Variants in ADK observed in about 807,000 individuals in gnomAD.
ADK encodes the protein N6,N6-dimethyladenosine kinase.
ADK carries 24 observed loss-of-function variants against 44.7 expected under a neutral mutation model. The observed-to-expected ratio is 0.54, with a 90% CI of 0.39 to 0.76. The LOEUF is 0.76. ADK is among the 30% of genes least tolerant of loss of function. The pLI, the probability that ADK is intolerant of heterozygous loss-of-function variation, is 0.00. For synonymous variants in ADK, 128 were observed against 142.6 expected (o/e 0.90, Z 0.73); for missense variants, 321 against 425.1 (o/e 0.76, Z 2.15).
chr10:74,590,842 A>AT (rs565364872), intron 8 of ADK, among the ~76,000 whole-genome samples: 202 of 152,252 alleles, frequency 1.3e-3, no homozygotes, highest in African/African-American at 4.6e-3. Flanking sequence ...ATTTTCAGGA[A>AT]TTTTTTAAAG....
intron 3 of ADK, among the ~76,000 whole-genome samples, chr10:74,312,489 A>T (rs935214379): frequency 6.6e-6 from 1 of 151,322 alleles, no homozygotes; most frequent in African/African-American, 2.4e-5. Context: ...TTCATTTTTT[A>T]AAAATTGCAC....
intron 9 of ADK, among the ~76,000 whole-genome samples, chr10:74,644,111 T>C (rs1361800102): frequency 6.6e-6 from 1 of 152,250 alleles, no homozygotes; most frequent in African/African-American, 2.4e-5. Context: ...ACAGTTGGTC[T>C]GAATTACCTA....
chr10:74,647,603 GTAC>G (rs1854099331), intron 9 of ADK, among the ~76,000 whole-genome samples: 1 of 152,092 alleles, frequency 6.6e-6, no homozygotes, highest in Non-Finnish European at 1.5e-5. Context: ...ATAAATGTGT[GTAC>G]TACTAATTCT....
At chr10:74,496,706 T>G (rs2133426376) in intron 6 of ADK, among the ~76,000 whole-genome samples, 1 of 152,274 alleles carries the variant, frequency 6.6e-6, no homozygotes, top group Admixed American at 6.5e-5. Context: ...TTGGCTCAAG[T>G]GATCCTCTTG....
intron 4 of ADK, among the ~76,000 whole-genome samples, chr10:74,336,888 A>G (rs898518221): frequency 2.0e-5 from 3 of 152,284 alleles, no homozygotes; most frequent in African/African-American, 4.8e-5. Context: ...AAAAGTCTGT[A>G]CCTGTTCAGT....
chr10:74,650,801 A>C (rs1854235244), intron 9 of ADK, among the ~76,000 whole-genome samples: 1 of 152,194 alleles, frequency 6.6e-6, no homozygotes, highest in South Asian at 2.1e-4. Flanking sequence ...TAGTATTGTG[A>C]TCTGTGAACA....
intron 10 of ADK, among the ~76,000 whole-genome samples, chr10:74,702,720 T>C (rs1322388990): frequency 6.6e-6 from 1 of 151,962 alleles, no homozygotes; most frequent in Non-Finnish European, 1.5e-5. Flanking sequence ...TGCCTCAGCC[T>C]CCCAAGTAGC....
intron 3 of ADK, among the ~76,000 whole-genome samples, chr10:74,249,486 T>C (rs995800233): frequency 2.3e-5 from 3 of 130,562 alleles, no homozygotes; most frequent in Admixed American, 8.2e-5. Flanking sequence ...TGTATATGCA[T>C]GTACATGCAT....
chr10:74,213,521 T>G (rs1281538755), intron 2 of ADK, among the ~76,000 whole-genome samples: 1 of 109,808 alleles, frequency 9.1e-6, no homozygotes, highest in Non-Finnish European at 2.3e-5. Context: ...AGATGAAACT[T>G]TCTAAAAAAA....
intron 10 of ADK, among the ~76,000 whole-genome samples, chr10:74,702,589 CTCTT>C (rs545414235): frequency 4.8e-4 from 43 of 90,144 alleles, no homozygotes; most frequent in Admixed American, 4.4e-3. Context: ...TCTCTCTGGT[CTCTT>C]TCTTTCTTTT....
intron 4 of ADK, chr10:74,372,009 A>G (rs1842675655): frequency 3.8e-6 from 3 of 782,426 alleles, no homozygotes; most frequent in Non-Finnish European, 6.9e-6. Context: ...CTTTGTGGAC[A>G]TTGCCATTCT....
intron 7 of ADK, among the ~76,000 whole-genome samples, chr10:74,545,416 G>A (rs1419003142): frequency 6.6e-6 from 1 of 152,152 alleles, no homozygotes; most frequent in Non-Finnish European, 1.5e-5. Flanking sequence ...TTAACAAGCC[G>A]TGGACTCTAG....
At chr10:74,365,367 A>G (rs1842465525) in intron 4 of ADK, among the ~76,000 whole-genome samples, 1 of 152,200 alleles carries the variant, frequency 6.6e-6, no homozygotes, top group Admixed American at 6.5e-5. Context: ...TATACATGAA[A>G]TCATCACTAT....
chr10:74,464,599 T>C (rs1297436489), intron 6 of ADK, among the ~76,000 whole-genome samples: 1 of 152,152 alleles, frequency 6.6e-6, no homozygotes, highest in East Asian at 1.9e-4. Context: ...ATTCATGGAA[T>C]GATGTTGTTT....
At chr10:74,591,979 AT>A (rs113607429) in intron 8 of ADK, among the ~76,000 whole-genome samples, 2,575 of 148,510 alleles carry the variant, frequency 0.017, 66 homozygotes, top group African/African-American at 0.055. Flanking sequence ...TCTCAGTGGC[AT>A]TTTTTTTTTA....
intron 2 of ADK, among the ~76,000 whole-genome samples, chr10:74,221,760 A>T (rs535664304): frequency 0.011 from 1,561 of 145,536 alleles, 17 homozygotes; most frequent in Non-Finnish European, 0.018. Flanking sequence ...GAGAAAAACA[A>T]GCAATGGGGA....
chr10:74,671,038 T>TAAAAA (rs10670267), intron 10 of ADK, among the ~76,000 whole-genome samples: 11,229 of 98,920 alleles, frequency 0.11, 1,211 homozygotes, highest in African/African-American at 0.26. Context: ...CAGGTTAATT[T>TAAAAA]AAAAAAAAAA....
rs143736531 is a variant in ADK, at chr10:74,441,208, G to A, written c.555+42629G>A. On this transcript the variant is annotated intron_variant, in intron 6 of 10. Transcript: ENST00000539909. ...ATGCTAATCTTAGCCATCAGACAGT[G>A]GCATAACCATGTGAGCTTTATCTTA... Among the ~76,000 whole-genome samples, 12 of 152,258 alleles carry A rather than the reference G, an allele frequency of 7.9e-5. No individual in the cohort carries two copies. In the East Asian group the frequency reaches 2.1e-3, roughly 27 times the overall value.
At chr10:74,434,349 A>G (rs1845110681) in intron 6 of ADK, among the ~76,000 whole-genome samples, 1 of 152,202 alleles carries the variant, frequency 6.6e-6, no homozygotes, top group Non-Finnish European at 1.5e-5. Context: ...TTAGTCTGTA[A>G]TGAATGAAAT....
Sources: gnomAD v4.1 joint callset for allele counts (sites outside exome capture counted in the v4.1 genomes callset) on GRCh38, gnomAD v4.1.1 for gene constraint, MANE v1.5 for transcripts, NCBI Gene and HGNC (gene_info 2026-07-23, HGNC 2026-07-21) for gene names.